ZFP64: variants seen among roughly 807,000 people sequenced by gnomAD.
ZFP64 encodes ZFP64 zinc finger protein, also known as zinc finger protein 64.
A neutral mutation model predicts 51.6 loss-of-function variants in ZFP64; 14 were observed. That is an observed-to-expected ratio of 0.27 (90% CI 0.18 to 0.42). The LOEUF (loss-of-function observed/expected upper bound fraction) is 0.42, where lower values mean the gene tolerates loss of function less well. ZFP64 is among the 10% of genes least tolerant of loss of function. The probability of loss-of-function intolerance (pLI) is 1.00; values close to 1 mark genes in which losing one functional copy is unlikely to be tolerated. For missense variants in ZFP64, 754 were observed against 906.8 expected, an observed-to-expected ratio of 0.83 and a Z score of 2.16; for synonymous variants, 375 against 361.4, an observed-to-expected ratio of 1.04 and a Z score of -0.43.
chr20:52,164,966 T>C, intron 3 of ZFP64: 1 of 678,456 alleles, frequency 1.5e-6, no homozygotes, highest in Non-Finnish European at 2.7e-6. Context: ...CTGAATCTGA[T>C]CATAAGGAAA....
At chr20:52,167,486 C>A (rs1485182405) in intron 2 of ZFP64, among the ~76,000 whole-genome samples, 1 of 83,594 alleles carries the variant, frequency 1.2e-5, no homozygotes, top group African/African-American at 4.9e-5. Context: ...TCCCTTCCTC[C>A]CTCCCTTCTT....
At chr20:52,103,419 GT>G in intron 5 of ZFP64, among the ~76,000 whole-genome samples, 1 of 152,326 alleles carries the variant, frequency 6.6e-6, no homozygotes, top group South Asian at 2.1e-4. Flanking sequence ...TTGGAAGACG[GT>G]TTTTTCTCCG....
At position 52,160,015 on chromosome 20, in the gene ZFP64, A is replaced by G. The variant is rs926829467; in HGVS notation, c.763+108T>C. ...CAAAACTGCAAACAACGGGATGAGCAAAGGTTCCAACTCGATTTCTTACAT... is the reference window on the plus strand; with the variant it reads ...CAAAACTGCAAACAACGGGATGAGCGAAGGTTCCAACTCGATTTCTTACAT... On this transcript the variant is annotated intron_variant, in intron 5 of 5. Transcript: ENST00000216923. This position sits in a 1 kb window ranked among gnomAD's most constrained non-coding sequence, Gnocchi z 4.2. 27 of 1,549,688 alleles carry G rather than the reference A, an allele frequency of 1.7e-5. No homozygotes were observed. The African/African-American group carries it at 3.3e-4, about 19-fold the overall frequency.
rs936439409 is a variant in ZFP64, at chr20:52,113,422, CTTTTTTTTTTTTTTT to C, written c.764-14850_764-14836del. Among the ~76,000 whole-genome samples the C allele has an allele frequency of 2.5e-3, 243 of 96,530 alleles. 1 individual carries two copies. The highest frequency in any genetic ancestry group is 9.8e-3 in the African/African-American group (241 of 24,518). The allele number at this position is 96,530 out of a possible 152,430, so 63.3% of individuals were successfully genotyped here. A position where few individuals can be genotyped will look rare whatever the true frequency, so the allele number is the denominator to read the frequency against. On this transcript the variant is annotated intron_variant, in intron 5 of 8. Transcript: ENST00000361387. ...TACCCTTGTACCCTTGCCAGGAATTCTTTTTTTTTTTTTTTTTTTTTTTGAGACCAAGTCTCGCTC... is the reference window on the plus strand; with the variant it reads ...TACCCTTGTACCCTTGCCAGGAATTCTTTTTTTTGAGACCAAGTCTCGCTC...
At chr20:52,094,748 A>AATAC (rs1308199271) in intron 7 of ZFP64, among the ~76,000 whole-genome samples, 115 of 151,650 alleles carry the variant, frequency 7.6e-4, no homozygotes, top group African/African-American at 2.6e-3. Context: ...AAAATAAATA[A>AATAC]ATAAATAAAT....
At chr20:52,104,994 C>T (rs762138731) in intron 5 of ZFP64, 11 of 1,044,150 alleles carry the variant, frequency 1.1e-5, no homozygotes, top group Non-Finnish European at 1.5e-5. Context: ...ACGCCCAGGT[C>T]CGAGTCCCAG....
At chr20:52,186,776 G>A (rs1429741316) in intron 2 of ZFP64, 56 bp downstream of exon 2, 17 of 1,549,074 alleles carry the variant, frequency 1.1e-5, no homozygotes, top group Non-Finnish European at 1.1e-5. Context: ...TTCCATGGAC[G>A]TGTTTGAGAC....
At chr20:52,127,888 T>C (rs984652643) in intron 5 of ZFP64, among the ~76,000 whole-genome samples, 3 of 152,262 alleles carry the variant, frequency 2.0e-5, no homozygotes, top group African/African-American at 7.2e-5. Flanking sequence ...GGTAGTCTAC[T>C]ACTGTGTAAG....
chr20:52,092,503 A>C (rs2084772437), intron 7 of ZFP64, among the ~76,000 whole-genome samples: 1 of 152,226 alleles, frequency 6.6e-6, no homozygotes, highest in East Asian at 1.9e-4. Flanking sequence ...TAGAAGACTC[A>C]ATAAGATGGG....
At chr20:52,163,546 C>T (rs571779897) in intron 4 of ZFP64, among the ~76,000 whole-genome samples, 1 of 152,274 alleles carries the variant, frequency 6.6e-6, no homozygotes, top group South Asian at 2.1e-4. Flanking sequence ...TAGAACAAAT[C>T]CAGATAGCAT....
chr20:52,102,495 A>G (rs2079063854), intron 5 of ZFP64, among the ~76,000 whole-genome samples: 1 of 152,166 alleles, frequency 6.6e-6, no homozygotes, highest in South Asian at 2.1e-4. Flanking sequence ...ATTGGAACCC[A>G]CACTTGCCAG....
chr20:52,154,691 C>G lies in ZFP64; in HGVS notation c.764-1263G>C, dbSNP rs971625714. Among the ~76,000 whole-genome samples, 5 of 152,244 alleles carry G rather than the reference C, an allele frequency of 3.3e-5. No homozygotes were observed. The South Asian group carries it at 1.0e-3, about 32-fold the overall frequency. On this transcript the variant is annotated intron_variant, in intron 5 of 5. Coordinates refer to ENST00000216923, the MANE Select transcript of ZFP64 (RefSeq NM_018197.3). Reference sequence around the variant, plus strand: ...AATGCTTTGTATGACTGAATACCACCAAGATCATGCATACTAAACTCTAGA... The same window carrying G: ...AATGCTTTGTATGACTGAATACCACGAAGATCATGCATACTAAACTCTAGA...
At chr20:52,146,971 T>C (rs1224823593), downstream of ZFP64, among the ~76,000 whole-genome samples, 1 of 152,216 alleles carries the variant, frequency 6.6e-6, no homozygotes, top group Non-Finnish European at 1.5e-5. Flanking sequence ...AAATTCACTG[T>C]GTCAACATAT....
chr20:52,088,435 G>A, exon 8 of ZFP64: 4 of 1,614,172 alleles, frequency 2.5e-6, no homozygotes, highest in Non-Finnish European at 3.4e-6. Context: ...TGGAGTTGCG[G>A]CTGGCATAGG....
chr20:52,105,025 G>T (rs1481289498), intron 5 of ZFP64: 2 of 1,304,060 alleles, frequency 1.5e-6, no homozygotes, highest in Non-Finnish European at 1.0e-6. Context: ...CGGACGCTTC[G>T]CCCGCCCTTT....
chr20:52,092,714 G>A (rs920025392), intron 7 of ZFP64, among the ~76,000 whole-genome samples: 2 of 152,120 alleles, frequency 1.3e-5, no homozygotes, highest in Admixed American at 6.6e-5. Context: ...AAATTAGCCA[G>A]GCATGGTGGT....
intron 2 of ZFP64, among the ~76,000 whole-genome samples, chr20:52,178,238 G>T (rs180838310): frequency 6.6e-6 from 1 of 151,984 alleles, no homozygotes; most frequent in South Asian, 2.1e-4. Context: ...GAGAAACATC[G>T]CAATGAGGAA....
chr20:52,149,306 T>A (rs1980677116), downstream of ZFP64, among the ~76,000 whole-genome samples: 1 of 146,218 alleles, frequency 6.8e-6, no homozygotes. Context: ...AATATGAGAG[T>A]TTACTGGGGC....
At chr20:52,092,890 A>G (rs2078943497) in intron 7 of ZFP64, among the ~76,000 whole-genome samples, 3 of 152,064 alleles carry the variant, frequency 2.0e-5, no homozygotes, top group Admixed American at 1.3e-4. Flanking sequence ...AAACAGATCG[A>G]TAACAATGAC....
Sources: allele counts gnomAD v4.1 joint callset (sites outside exome capture counted in the v4.1 genomes callset), GRCh38; gene constraint gnomAD v4.1.1; non-coding constraint Gnocchi (gnomAD v3.1); transcripts MANE v1.5; gene names NCBI Gene and HGNC (gene_info 2026-07-23, HGNC 2026-07-21).